GRHL3: variants seen among roughly 807,000 people sequenced by gnomAD.
GRHL3 encodes grainyhead-like protein 3 homolog.
Under a neutral mutation model 70.3 loss-of-function variants are expected in GRHL3, and 20 were observed. The ratio of observed to expected loss-of-function variants is 0.28; its 90% CI spans 0.20 to 0.41. The LOEUF (loss-of-function observed/expected upper bound fraction) is 0.41. Ranked by LOEUF, GRHL3 falls within the 10% of genes least tolerant of loss-of-function variation. The pLI is 1.00. For missense variants in GRHL3, 637 were observed against 762.3 expected (o/e 0.84, Z 1.94); for synonymous variants, 299 against 299.9 (o/e 1.00, Z 0.03).
chr1:24,331,616 C>G lies in GRHL3; in HGVS notation c.204+4C>G. 6.2e-7 allele frequency: 1 copy of G among 1,609,528 alleles called. No individual in the cohort carries two copies. The highest frequency in any genetic ancestry group is 1.3e-5 in the African/African-American group (1 of 74,930). On this transcript the variant is annotated splice_donor_region_variant and intron_variant, in intron 2 of 15. Coordinates refer to ENST00000361548, the MANE Select transcript of GRHL3 (RefSeq NM_198173.3). ...CTTCCTCTATGATTACTACATGGTA[C>G]GTCTACCCCCTCTGGACATGCCCCG...
In GRHL3 at chr1:24,364,186, G is replaced by A. The variant is rs6694170; in HGVS notation, c.1696G>A (p.Glu566Lys). Residue 566 changes from glutamate to lysine, a missense_variant and splice_region_variant, in exon 16 of 16, where the codon GAA becomes AAA. Coordinates refer to the GRHL3 transcript ENST00000350501. ...CTTGACGTTCTCACTTTCTTCCAGG[G>A]AAACTTCTCTCCTCCACCCACGCCT... The A allele has an allele frequency of 0.04, 60,298 of 1,489,000 alleles. 1,419 individuals carry two copies. The highest frequency in any genetic ancestry group is 0.047 in the Non-Finnish European group (52,464 of 1,117,818). The allele number at this position is 1,489,000 out of a possible 1,614,324, so 92.2% of individuals were successfully genotyped here.
At chr1:24,329,490 C>T (rs556631304) in intron 1 of GRHL3, among the ~76,000 whole-genome samples, 12 of 152,292 alleles carry the variant, frequency 7.9e-5, no homozygotes, top group African/African-American at 2.6e-4. Context: ...AGTGTGGCTG[C>T]GTGGCAAGTG....
intron 1 of GRHL3, among the ~76,000 whole-genome samples, chr1:24,327,062 G>A (rs541104948): frequency 6.6e-6 from 1 of 152,276 alleles, no homozygotes; most frequent in South Asian, 2.1e-4. Context: ...CTCCCATTTG[G>A]AGGTTCTGGG....
chr1:24,354,024 C>T (rs572827590), intron 15 of GRHL3, among the ~76,000 whole-genome samples: 15 of 152,300 alleles, frequency 9.8e-5, no homozygotes, highest in Non-Finnish European at 1.6e-4. Flanking sequence ...TCCGAGTCCT[C>T]AATATGGTGA....
At chr1:24,351,325 C>A (rs1640496275) in intron 15 of GRHL3, among the ~76,000 whole-genome samples, 1 of 152,248 alleles carries the variant, frequency 6.6e-6, no homozygotes, top group South Asian at 2.1e-4. Context: ...TGCCTGCCTT[C>A]CTCCTCCTTG....
Position 24,322,172 on chromosome 1 carries a change from A to C in GRHL3, c.17+2604A>C, listed in dbSNP as rs1231830710. ...TTCGCCGCAAAGGGGCTTGGCACAC[A>C]GTAGGTCTAAGGCACCGAGGCAGGA... On this transcript the variant is annotated intron_variant, in intron 1 of 15. Transcript: ENST00000361548. This position sits in a 1 kb window ranked among gnomAD's most constrained non-coding sequence, Gnocchi z 4.4. Among the ~76,000 whole-genome samples the C allele has an allele frequency of 6.6e-6, 1 of 152,098 alleles. No homozygotes were observed. Among genetic ancestry groups the C allele is most frequent in the African/African-American group, 2.4e-5 (1 of 41,438 alleles).
rs1447044350 is a variant in GRHL3, at chr1:24,322,133, CAGGA to C, written c.17+2569_17+2572del. On this transcript the variant is annotated intron_variant, in intron 1 of 15. Coordinates refer to ENST00000361548, the MANE Select transcript of GRHL3 (RefSeq NM_198173.3). This position sits in a 1 kb window ranked among gnomAD's most constrained non-coding sequence, Gnocchi z 4.4. ...CTCCAGGCAGGCCCCGTTGACAGCC[CAGGA>C]AGGGAGAGTTTCGCCGCAAAGGGGC... Among the ~76,000 whole-genome samples the C allele has an allele frequency of 6.6e-6, 1 of 152,090 alleles. No individual in the cohort carries two copies. Among genetic ancestry groups the C allele is most frequent in the Non-Finnish European group, 1.5e-5 (1 of 68,004 alleles).
rs897195123 is a variant in GRHL3, at chr1:24,322,810, C to T, written c.17+3242C>T. 2.6e-5 allele frequency among the ~76,000 whole-genome samples: 4 copies of T among 152,262 alleles called. No individual in the cohort carries two copies. The highest frequency in any genetic ancestry group is 9.6e-5 in the African/African-American group (4 of 41,462). On this transcript the variant is annotated intron_variant, in intron 1 of 15. Coordinates refer to ENST00000361548, the MANE Select transcript of GRHL3 (RefSeq NM_198173.3). The surrounding 1 kb of genome is among the most constrained non-coding windows in gnomAD (Gnocchi z 4.4). ...AGCCAACATTTATGGAGCGCTGACT[C>T]CGCATCTGACATTGTGTCGAGTGCT... is the stretch of plus-strand genomic sequence containing the variant.
intron 7 of GRHL3, among the ~76,000 whole-genome samples, chr1:24,338,940 G>T (rs1367906489): frequency 1.3e-5 from 2 of 152,226 alleles, no homozygotes; most frequent in African/African-American, 4.8e-5. Context: ...TTAGCATATT[G>T]TAAGTGTTGA....
In GRHL3 at chr1:24,346,649, C is replaced by T; in HGVS notation, c.1543+8C>T. ...AAGGCGACCTTCAGAGAGGTGACCT[C>T]CCGCCCTCCTCATTTACTCACCAGG... On this transcript the variant is annotated splice_region_variant and intron_variant, in intron 13 of 15. Coordinates refer to ENST00000361548, the MANE Select transcript of GRHL3 (RefSeq NM_198173.3). 2 of 1,604,140 alleles carry T rather than the reference C, an allele frequency of 1.2e-6. No homozygotes were observed. The highest frequency in any genetic ancestry group is 2.2e-5 in the East Asian group (1 of 44,634).
intron 8 of GRHL3, among the ~76,000 whole-genome samples, chr1:24,341,814 G>T (rs956038257): frequency 5.9e-5 from 9 of 152,220 alleles, no homozygotes; most frequent in African/African-American, 1.9e-4. Context: ...CCCTTGGGCT[G>T]CCCTTGGCAG....
intron 1 of GRHL3, among the ~76,000 whole-genome samples, chr1:24,330,988 T>G (rs1639583030): frequency 6.6e-6 from 1 of 152,278 alleles, no homozygotes. Flanking sequence ...CTACGCCTTC[T>G]GTGCCTTTCA....
chr1:24,330,450 G>T (rs1348798844), intron 1 of GRHL3, among the ~76,000 whole-genome samples: 1 of 152,214 alleles, frequency 6.6e-6, no homozygotes, highest in African/African-American at 2.4e-5. Flanking sequence ...ACTTATCTGA[G>T]CTTCAGTTTC....
rs1406324044 is a variant in GRHL3, at chr1:24,319,502, A to G, written c.-50A>G. Reference sequence around the variant, plus strand: ...CTGTGTCAGGCAAGAATTAGAGACAAGCGGTCAGCAGAGCCTCAGTGCTGA... The same window carrying G: ...CTGTGTCAGGCAAGAATTAGAGACAGGCGGTCAGCAGAGCCTCAGTGCTGA... On this transcript the variant is annotated 5_prime_UTR_variant, in exon 1 of 16. Transcript: ENST00000361548. 1.3e-6 allele frequency: 2 copies of G among 1,516,484 alleles called. No individual in the cohort carries two copies. Among genetic ancestry groups the G allele is most frequent in the Non-Finnish European group, 1.8e-6 (2 of 1,091,116 alleles). The allele number at this position is 1,516,484 out of a possible 1,614,324, so 93.9% of individuals were successfully genotyped here. A position where few individuals can be genotyped will look rare whatever the true frequency, so the allele number is the denominator to read the frequency against.
At chr1:24,348,708 G>C (rs1354551280) in intron 14 of GRHL3, among the ~76,000 whole-genome samples, 2 of 152,200 alleles carry the variant, frequency 1.3e-5, no homozygotes, top group Non-Finnish European at 2.9e-5. Flanking sequence ...TTGATGGTGA[G>C]AGAGTTCCTG....
chr1:24,363,720 C>G (rs572350347), intron 15 of GRHL3, among the ~76,000 whole-genome samples: 2 of 152,254 alleles, frequency 1.3e-5, no homozygotes, highest in East Asian at 3.9e-4. Context: ...GAGACAGAGA[C>G]AGAGGGACAT....
At chr1:24,340,050 A>G (rs1639978667) in intron 8 of GRHL3, among the ~76,000 whole-genome samples, 1 of 152,158 alleles carries the variant, frequency 6.6e-6, no homozygotes, top group South Asian at 2.1e-4. Flanking sequence ...CATAGTACCA[A>G]CTGGTAGGTT....
At chr1:24,358,395 C>G (rs1439100704), downstream of GRHL3, 6 of 749,574 alleles carry the variant, frequency 8.0e-6, no homozygotes, top group Admixed American at 3.9e-5. Context: ...GGCAGCAGTC[C>G]GGCTAGGATG....
intron 1 of GRHL3, chr1:24,323,245 C>G: frequency 1.5e-6 from 1 of 672,416 alleles, no homozygotes; most frequent in Non-Finnish European, 2.7e-6. Flanking sequence ...AAACTGTGGT[C>G]CGTGGACCAT....
Sources: gnomAD v4.1 joint callset for allele counts (sites outside exome capture counted in the v4.1 genomes callset) on GRCh38, gnomAD v4.1.1 for gene constraint, Gnocchi (gnomAD v3.1) non-coding constraint, MANE v1.5 for transcripts, NCBI Gene and HGNC (gene_info 2026-07-23, HGNC 2026-07-21) for gene names.